The following NDUFA10 variants were observed in gnomAD, a reference collection of about 807,000 sequenced individuals.
NDUFA10 encodes NADH dehydrogenase [ubiquinone] 1 alpha subcomplex subunit 10, mitochondrial.
A neutral mutation model predicts 47.8 loss-of-function variants in NDUFA10; 40 were observed. That is an observed-to-expected ratio of 0.84 (90% CI 0.65 to 1.09). The LOEUF (loss-of-function observed/expected upper bound fraction) is 1.09, where lower values mean the gene tolerates loss of function less well. Among genes scored for constraint, NDUFA10 ranks in the 50% least tolerant of loss-of-function variants. The probability of loss-of-function intolerance (pLI) is 0.00; values close to 1 mark genes in which losing one functional copy is unlikely to be tolerated. For missense variants in NDUFA10, 413 were observed against 451.1 expected (o/e 0.92, Z 0.76); for synonymous variants, 183 against 172.2 (o/e 1.06, Z -0.49).
intron 6 of NDUFA10, among the ~76,000 whole-genome samples, chr2:240,011,032 T>C (rs184690184): frequency 1.4e-3 from 217 of 152,258 alleles, no homozygotes; most frequent in African/African-American, 5.0e-3. Flanking sequence ...GTGGCAGACA[T>C]TCCTTACACA....
In NDUFA10 at chr2:239,960,025, A is replaced by G. The variant is rs1268550273; in HGVS notation, c.*1093T>C. The stretch of plus-strand genomic sequence containing the variant: ...GGAGTGCCTGAACTATGGCCAGTGC[A>G]ACCAAGGAACCCAATTTTAAACTCT... On this transcript the variant is annotated 3_prime_UTR_variant, in exon 10 of 10. Transcript: ENST00000252711. 1 of 984,716 alleles carries G rather than the reference A, an allele frequency of 1.0e-6. No individual in the cohort carries two copies. Among genetic ancestry groups the G allele is most frequent in the Non-Finnish European group, 1.2e-6 (1 of 829,350 alleles). The allele number at this position is 984,716 out of a possible 1,614,324, so 61.0% of individuals were successfully genotyped here.
At chr2:239,953,469 T>G (rs538116596), downstream of NDUFA10, among the ~76,000 whole-genome samples, 72 of 152,356 alleles carry the variant, frequency 4.7e-4, no homozygotes, top group Non-Finnish European at 2.8e-4. Context: ...CGCGTTGATC[T>G]GGGCTCAGCC....
rs139323829 is a variant in NDUFA10 at position 239,991,303 on chromosome 2, C to T, written c.891-1121G>A. On this transcript the variant is annotated intron_variant, in intron 8 of 9. Transcript: ENST00000252711. The stretch of plus-strand genomic sequence containing the variant: ...TAGTAAAAACCGCGTCGCTCATACA[C>T]GGTTAGTGATCCAATAATGCAAATG... Among the ~76,000 whole-genome samples the T allele has an allele frequency of 3.4e-3, 519 of 152,290 alleles. 9 individuals are homozygous for T. Among genetic ancestry groups the T allele is most frequent in the African/African-American group, 0.012 (485 of 41,564 alleles).
At chr2:239,993,141 T>C (rs990993726) in intron 8 of NDUFA10, among the ~76,000 whole-genome samples, 1 of 152,174 alleles carries the variant, frequency 6.6e-6, no homozygotes, top group African/African-American at 2.4e-5. Flanking sequence ...AATTACAGGA[T>C]CCTTCTCTAT....
intron 4 of NDUFA10, among the ~76,000 whole-genome samples, chr2:239,896,734 G>A (rs1190776352): frequency 1.3e-5 from 2 of 152,184 alleles, no homozygotes; most frequent in East Asian, 1.9e-4. Context: ...TATGTGTCGT[G>A]GTTACGTGGG....
intron 5 of NDUFA10, 170 bp from the exon 6 acceptor site, chr2:240,011,866 C>G: frequency 1.5e-6 from 1 of 669,710 alleles, no homozygotes; most frequent in Non-Finnish European, 2.7e-6. Context: ...CAGCTAGAGT[C>G]ATTCTCCTTC....
At chr2:239,943,553 T>G (rs939589219) in intron 4 of NDUFA10, among the ~76,000 whole-genome samples, 12 of 152,352 alleles carry the variant, frequency 7.9e-5, no homozygotes, top group East Asian at 1.9e-4. Context: ...GCTGGGATTA[T>G]TTTTCTAGTT....
intron 4 of NDUFA10, among the ~76,000 whole-genome samples, chr2:239,918,932 A>G (rs10933579): frequency 0.22 from 34,213 of 152,066 alleles, 5,344 homozygotes; most frequent in African/African-American, 0.45. Context: ...TCCAGTGTCC[A>G]TCTTCCCATC....
rs1559276904 is a variant in NDUFA10 at position 239,915,157 on chromosome 2, C to CA, written c.295-19844dup. 2.0e-5 allele frequency among the ~76,000 whole-genome samples: 3 copies of CA among 149,790 alleles called. 1 individual carries two copies. The highest frequency in any genetic ancestry group is 2.0e-4 in the Admixed American group (3 of 15,046). On this transcript the variant is annotated intron_variant, in intron 4 of 5. Coordinates refer to the NDUFA10 transcript ENST00000419408. ...AGACACACACAAATATACAGACACA[C>CA]AGAGATACACAAACATACACACACA...
chr2:239,895,864 A>G (rs560894047), intron 4 of NDUFA10, among the ~76,000 whole-genome samples: 3 of 152,334 alleles, frequency 2.0e-5, no homozygotes, highest in African/African-American at 7.2e-5. Flanking sequence ...CACTGCCTGC[A>G]GCTTACTGGT....
rs772569594 is a variant in NDUFA10, at chr2:240,022,303, T to C, written c.113A>G (p.Tyr38Cys). The C allele has an allele frequency of 3.7e-6, 6 of 1,614,108 alleles. No individual in the cohort carries two copies. Among genetic ancestry groups the C allele is most frequent in the Middle Eastern group, 1.6e-4 (1 of 6,062 alleles). The change falls in exon 2 of 10, where the codon TAT becomes TGT. Residue 38 changes from tyrosine (Y) to cysteine (C), a missense_variant. Physicochemically the swap from Tyr to Cys is radical, Grantham distance 194. Coordinates refer to ENST00000252711, the MANE Select transcript of NDUFA10 (RefSeq NM_004544.4). ...IHSSVQCKLR[Y>C]GMWHFLLGDK... ...CCCAAGTAGGAAATGCCACATTCCA[T>C]AGCGCAGTTTGCACTGCACACTGCT...
intron 4 of NDUFA10, among the ~76,000 whole-genome samples, chr2:239,913,247 C>G (rs1693785152): frequency 1.3e-5 from 2 of 152,258 alleles, no homozygotes; most frequent in Admixed American, 6.5e-5. Flanking sequence ...GGGAGTGACC[C>G]AGGTGGGAGT....
chr2:239,913,722 G>A (rs754964677), intron 4 of NDUFA10, among the ~76,000 whole-genome samples: 2 of 152,226 alleles, frequency 1.3e-5, no homozygotes, highest in African/African-American at 4.8e-5. Context: ...AACCATGTTT[G>A]ATCTGTCAAC....
chr2:240,018,360 C>T, intron 4 of NDUFA10, 193 bp downstream of exon 4: 5 of 1,493,962 alleles, frequency 3.3e-6, no homozygotes, highest in Non-Finnish European at 4.5e-6. Context: ...GCACAAAAGA[C>T]ACCTATTTCA....
intron 4 of NDUFA10, among the ~76,000 whole-genome samples, chr2:239,949,722 T>C (rs1450272987): frequency 6.6e-6 from 1 of 152,102 alleles, no homozygotes; most frequent in Non-Finnish European, 1.5e-5. Flanking sequence ...CCTCAAGCGA[T>C]CCTCCCACCT....
intron 4 of NDUFA10, among the ~76,000 whole-genome samples, chr2:239,946,590 A>G (rs1694457522): frequency 2.0e-5 from 3 of 152,360 alleles, no homozygotes; most frequent in Non-Finnish European, 2.9e-5. Context: ...CACCTTCTCC[A>G]GCCCAGCTCC....
chr2:239,937,575 G>C (rs991102406), intron 4 of NDUFA10, among the ~76,000 whole-genome samples: 4 of 152,138 alleles, frequency 2.6e-5, no homozygotes, highest in Admixed American at 2.6e-4. Context: ...ACCACAGTCC[G>C]CTCATCCAGT....
At chr2:240,008,066 C>G (rs1352387941) in intron 6 of NDUFA10, among the ~76,000 whole-genome samples, 1 of 152,228 alleles carries the variant, frequency 6.6e-6, no homozygotes, top group Admixed American at 6.5e-5. Context: ...CCATCTTCAA[C>G]AGACCACTGG....
At position 239,898,965 on chromosome 2, in the gene NDUFA10, G is replaced by GT. The variant is rs1271074174; in HGVS notation, c.295-3652dup. Among the ~76,000 whole-genome samples the GT allele has an allele frequency of 7.9e-5, 11 of 139,296 alleles. 1 individual carries two copies. The highest frequency in any genetic ancestry group is 1.3e-4 in the Non-Finnish European group (8 of 61,724). The allele number at this position is 139,296 out of a possible 152,430, so 91.4% of individuals were successfully genotyped here. A position where few individuals can be genotyped will look rare whatever the true frequency, so the allele number is the denominator to read the frequency against. ...GAGGGGTGTGGAGGGGTGTGGCAGG[G>GT]TGTGATGAAGAGGTATGATGGAGAG... On this transcript the variant is annotated intron_variant, in intron 4 of 5. Coordinates refer to the NDUFA10 transcript ENST00000419408.
Sources: allele counts gnomAD v4.1 joint callset (sites outside exome capture counted in the v4.1 genomes callset), GRCh38; gene constraint gnomAD v4.1.1; transcripts MANE v1.5; gene names NCBI Gene and HGNC (gene_info 2026-07-23, HGNC 2026-07-21).